Variants in ASIC2 observed in about 807,000 individuals in gnomAD.
ASIC2 encodes the protein acid-sensing ion channel 2.
ASIC2 carries 25 observed loss-of-function variants against 57.3 expected under a neutral mutation model. The ratio of observed to expected loss-of-function variants is 0.44; its 90% CI spans 0.32 to 0.61. The LOEUF (loss-of-function observed/expected upper bound fraction) is 0.61. Among genes scored for constraint, ASIC2 ranks in the 20% least tolerant of loss-of-function variants. The pLI, the probability that ASIC2 is intolerant of heterozygous loss-of-function variation, is 0.06. For missense variants in ASIC2, 641 were observed against 738.1 expected, an observed-to-expected ratio of 0.87 and a Z score of 1.52; for synonymous variants, 319 against 307.5, an observed-to-expected ratio of 1.04 and a Z score of -0.39.
At chr17:33,638,750 G>T (rs1342097386) in intron 1 of ASIC2, among the ~76,000 whole-genome samples, 1 of 152,076 alleles carries the variant, frequency 6.6e-6, no homozygotes, top group East Asian at 1.9e-4. Flanking sequence ...CTCTGCCTGA[G>T]AATTTTTTTT....
At chr17:33,252,163 T>C (rs1428469770) in intron 1 of ASIC2, among the ~76,000 whole-genome samples, 1 of 152,238 alleles carries the variant, frequency 6.6e-6, no homozygotes, top group Non-Finnish European at 1.5e-5. Flanking sequence ...CTTGCTCAGA[T>C]AGTTCATGTC....
At chr17:33,820,089 A>G (rs1912702059) in intron 1 of ASIC2, among the ~76,000 whole-genome samples, 1 of 152,198 alleles carries the variant, frequency 6.6e-6, no homozygotes, top group African/African-American at 2.4e-5. Context: ...GTCCACATGT[A>G]GCTGTTGGGA....
At chr17:33,271,985 A>T (rs1369835336) in intron 1 of ASIC2, among the ~76,000 whole-genome samples, 1 of 152,188 alleles carries the variant, frequency 6.6e-6, no homozygotes, top group Non-Finnish European at 1.5e-5. Context: ...ACAGGCCTTC[A>T]TTCTGTTTTT....
chr17:33,877,737 G>A (rs1164710273), intron 1 of ASIC2, among the ~76,000 whole-genome samples: 1 of 152,228 alleles, frequency 6.6e-6, no homozygotes, highest in Non-Finnish European at 1.5e-5. Flanking sequence ...AAATGTCCCT[G>A]TATGACAGCT....
chr17:33,702,430 A>G (rs1322688805), intron 1 of ASIC2, among the ~76,000 whole-genome samples: 2 of 152,208 alleles, frequency 1.3e-5, no homozygotes, highest in African/African-American at 2.4e-5. Context: ...CAGCTAGGAT[A>G]GTTCACTACA....
intron 1 of ASIC2, among the ~76,000 whole-genome samples, chr17:33,889,297 G>T (rs560441586): frequency 2.0e-5 from 3 of 152,074 alleles, no homozygotes; most frequent in African/African-American, 7.2e-5. Flanking sequence ...CTAAAGTCAC[G>T]GTTGCTACTT....
chr17:33,498,790 A>AGT (rs144181521), intron 1 of ASIC2, among the ~76,000 whole-genome samples: 2 of 152,020 alleles, frequency 1.3e-5, no homozygotes, highest in East Asian at 1.9e-4. Flanking sequence ...AAGAGGAATG[A>AGT]GTGTGTGTGT....
intron 1 of ASIC2, among the ~76,000 whole-genome samples, chr17:33,206,683 G>C (rs1384928860): frequency 6.6e-6 from 1 of 152,086 alleles, no homozygotes; most frequent in African/African-American, 2.4e-5. Context: ...TCTCTGATTG[G>C]GGAAGGGAGG....
At chr17:34,144,154 A>G (rs1166753122) in intron 1 of ASIC2, among the ~76,000 whole-genome samples, 3 of 152,240 alleles carry the variant, frequency 2.0e-5, no homozygotes, top group Non-Finnish European at 4.4e-5. Context: ...AAGATATGTC[A>G]ACTATTATAT....
chr17:33,129,478 G>A (rs1035881107), intron 1 of ASIC2, among the ~76,000 whole-genome samples: 1 of 152,220 alleles, frequency 6.6e-6, no homozygotes, highest in African/African-American at 2.4e-5. Flanking sequence ...GTACTGCCAT[G>A]GAGAATAGTT....
chr17:33,155,359 T>C (rs555090776), intron 1 of ASIC2, among the ~76,000 whole-genome samples: 115 of 152,340 alleles, frequency 7.5e-4, no homozygotes, highest in African/African-American at 2.7e-3. Context: ...TGCGCATCCA[T>C]CTGGAAACTG....
At chr17:34,039,744 T>C in intron 1 of ASIC2, 1 of 1,612,332 alleles carries the variant, frequency 6.2e-7, no homozygotes, top group African/African-American at 1.3e-5. Flanking sequence ...CACTCAAGGA[T>C]CCGACGCTGC....
chr17:34,016,103 C>T (rs937673616), intron 1 of ASIC2, among the ~76,000 whole-genome samples: 5 of 152,176 alleles, frequency 3.3e-5, no homozygotes, highest in Admixed American at 1.3e-4. Flanking sequence ...AAGATGTGCT[C>T]ATATGTATAT....
intron 1 of ASIC2, among the ~76,000 whole-genome samples, chr17:33,833,247 A>T (rs1913168867): frequency 6.6e-6 from 1 of 152,188 alleles, no homozygotes; most frequent in South Asian, 2.1e-4. Context: ...CCAAGGGCCA[A>T]TGTTATGTCT....
At chr17:33,254,563 A>G (rs942941633) in intron 1 of ASIC2, among the ~76,000 whole-genome samples, 1 of 151,986 alleles carries the variant, frequency 6.6e-6, no homozygotes, top group Non-Finnish European at 1.5e-5. Flanking sequence ...GTTTTTGCCC[A>G]TAGCCTGGTA....
At chr17:34,002,667 C>T (rs778954428) in intron 1 of ASIC2, 4 of 152,186 alleles carry the variant, frequency 2.6e-5, no homozygotes, top group Admixed American at 6.5e-5. Flanking sequence ...GGAAACTGTG[C>T]TGTATCCGGA....
In ASIC2 at chr17:33,400,742, G is replaced by A. The variant is rs186318191; in HGVS notation, c.556-288675C>T. 2.6e-5 allele frequency among the ~76,000 whole-genome samples: 4 copies of A among 152,234 alleles called. No individual in the cohort carries two copies. The East Asian group carries it at 7.7e-4, about 29-fold the overall frequency. On this transcript the variant is annotated intron_variant, in intron 1 of 9. Transcript: ENST00000359872. ...CACTGTCCAGGGGCTGAGAATTCAA[G>A]TTGTTCATATCTTCCCTTTCACCTG... is the stretch of plus-strand genomic sequence containing the variant.
Position 33,203,270 on chromosome 17 carries a change from G to T in ASIC2, c.708+88138C>A, listed in dbSNP as rs532833124. On this transcript the variant is annotated intron_variant, in intron 1 of 9. Transcript: ENST00000225823. ...CCCAAAGCTTAGTCCTGCCTCTGGCGCATAATAATGCATCTCTGTGTAAAA... is the reference window on the plus strand; with the variant it reads ...CCCAAAGCTTAGTCCTGCCTCTGGCTCATAATAATGCATCTCTGTGTAAAA... 6.6e-5 allele frequency among the ~76,000 whole-genome samples: 10 copies of T among 152,300 alleles called. No individual in the cohort carries two copies. In the South Asian group the frequency reaches 2.1e-3, roughly 32 times the overall value.
chr17:33,310,578 G>A (rs1906369475), intron 1 of ASIC2, among the ~76,000 whole-genome samples: 1 of 152,180 alleles, frequency 6.6e-6, no homozygotes, highest in Admixed American at 6.5e-5. Flanking sequence ...CTTAGGCTCA[G>A]AACCAAGTAA....
Sources: allele counts gnomAD v4.1 joint callset (sites outside exome capture counted in the v4.1 genomes callset), GRCh38; gene constraint gnomAD v4.1.1; transcripts MANE v1.5; gene names NCBI Gene and HGNC (gene_info 2026-07-23, HGNC 2026-07-21).